Variants in NOL4 observed in about 807,000 individuals in gnomAD.
NOL4 encodes nucleolar protein 4.
Under a neutral mutation model 75.9 loss-of-function variants are expected in NOL4, and 17 were observed. The observed-to-expected ratio is 0.22, with a 90% CI of 0.15 to 0.34. The LOEUF (loss-of-function observed/expected upper bound fraction) is 0.34, where lower values mean the gene tolerates loss of function less well. Among genes scored for constraint, NOL4 ranks in the 10% least tolerant of loss-of-function variants. The pLI is 1.00. For synonymous variants in NOL4, 292 were observed against 289.9 expected, an observed-to-expected ratio of 1.01 and a Z score of -0.07; for missense variants, 614 against 793.5, an observed-to-expected ratio of 0.77 and a Z score of 2.72.
intron 1 of NOL4, among the ~76,000 whole-genome samples, chr18:34,132,949 T>C (rs1445378336): frequency 1.3e-5 from 2 of 152,052 alleles, no homozygotes; most frequent in East Asian, 1.9e-4. Flanking sequence ...CAAGGAATCT[T>C]ATAGCCAGAG....
chr18:34,065,385 G>A (rs546706931), intron 5 of NOL4, among the ~76,000 whole-genome samples: 30 of 151,864 alleles, frequency 2.0e-4, no homozygotes, highest in South Asian at 1.9e-3. Flanking sequence ...TTACCCTTTC[G>A]GTTAAATGCA....
chr18:33,865,261 A>G (rs1039144559), intron 10 of NOL4, among the ~76,000 whole-genome samples: 1 of 152,186 alleles, frequency 6.6e-6, no homozygotes, highest in Non-Finnish European at 1.5e-5. Flanking sequence ...TAAATGGCAC[A>G]GTATTTAGAT....
chr18:34,007,181 G>T (rs1467305074), intron 6 of NOL4, among the ~76,000 whole-genome samples: 1 of 151,948 alleles, frequency 6.6e-6, no homozygotes, highest in East Asian at 1.9e-4. Flanking sequence ...GAGTTGCTGT[G>T]CTGGCTGGGG....
intron 8 of NOL4, 24 bp downstream of exon 8, chr18:33,957,302 G>C (rs1411137974): frequency 1.3e-6 from 2 of 1,592,394 alleles, no homozygotes; most frequent in Non-Finnish European, 1.7e-6. Flanking sequence ...GGAGTCTAGG[G>C]CTGTGTTTTA....
chr18:33,975,936 C>A (rs947604904), intron 6 of NOL4, among the ~76,000 whole-genome samples: 18 of 152,128 alleles, frequency 1.2e-4, no homozygotes, highest in African/African-American at 4.1e-4. Flanking sequence ...ACACAGCTGT[C>A]ATGGATTTTT....
intron 1 of NOL4, among the ~76,000 whole-genome samples, chr18:34,185,329 A>C (rs569335314): frequency 1.1e-4 from 16 of 152,132 alleles, no homozygotes; most frequent in Non-Finnish European, 2.4e-4. Context: ...TAGCCAAAGG[A>C]TCGGGATTTT....
chr18:34,020,514 A>G (rs1289629769), intron 5 of NOL4, among the ~76,000 whole-genome samples: 1 of 152,214 alleles, frequency 6.6e-6, no homozygotes, highest in Non-Finnish European at 1.5e-5. Flanking sequence ...TTAATACCTA[A>G]GAAGTTTAAT....
intron 9 of NOL4, among the ~76,000 whole-genome samples, chr18:33,919,283 G>T: frequency 6.6e-6 from 1 of 152,084 alleles, no homozygotes; most frequent in East Asian, 1.9e-4. Context: ...AAGGGACCCT[G>T]ATGTGTCACA....
At chr18:34,101,827 A>G (rs1339778694) in intron 4 of NOL4, among the ~76,000 whole-genome samples, 1 of 152,014 alleles carries the variant, frequency 6.6e-6, no homozygotes, top group Non-Finnish European at 1.5e-5. Flanking sequence ...ATCAGATCAC[A>G]TGACTTCTCT....
At chr18:33,939,386 T>C (rs1008381608) in intron 9 of NOL4, among the ~76,000 whole-genome samples, 1 of 151,900 alleles carries the variant, frequency 6.6e-6, no homozygotes, top group African/African-American at 2.4e-5. Flanking sequence ...CATTTTCATA[T>C]TGATTCTTTC....
At chr18:33,891,078 T>C (rs2065065718) in intron 9 of NOL4, among the ~76,000 whole-genome samples, 1 of 151,636 alleles carries the variant, frequency 6.6e-6, no homozygotes, top group East Asian at 1.9e-4. Flanking sequence ...ATTATATGAT[T>C]ACACATATAT....
chr18:34,048,703 C>T, intron 5 of NOL4: 1 of 606,968 alleles, frequency 1.6e-6, no homozygotes, highest in Non-Finnish European at 2.1e-6. Context: ...GAAACATGCA[C>T]TCAGTCTTCC....
At chr18:34,096,652 A>T (rs1458080023) in intron 4 of NOL4, among the ~76,000 whole-genome samples, 1 of 152,032 alleles carries the variant, frequency 6.6e-6, no homozygotes, top group Non-Finnish European at 1.5e-5. Flanking sequence ...CCAGAAAAAA[A>T]CTCTCCACAT....
At chr18:33,934,226 T>C (rs2067902389) in intron 9 of NOL4, among the ~76,000 whole-genome samples, 1 of 152,070 alleles carries the variant, frequency 6.6e-6, no homozygotes. Context: ...TAAACAGATG[T>C]GCAATCATCC....
chr18:34,154,492 A>C (rs1403813404), intron 1 of NOL4, among the ~76,000 whole-genome samples: 1 of 152,006 alleles, frequency 6.6e-6, no homozygotes, highest in Non-Finnish European at 1.5e-5. Flanking sequence ...TGTGGGATTC[A>C]TACATGCTGT....
Position 34,047,024 on chromosome 18 carries a change from T to C in NOL4, c.773-27423A>G, listed in dbSNP as rs139099470. On this transcript the variant is annotated intron_variant, in intron 5 of 10. Coordinates refer to ENST00000261592, the MANE Select transcript of NOL4 (RefSeq NM_003787.5). ...TTTCTTAAGAGTACCAGGTTCTGCA[T>C]AGTTACAACCCAAATGCTATTAAGC... 3.6e-4 allele frequency among the ~76,000 whole-genome samples: 55 copies of C among 152,240 alleles called. No homozygotes were observed. The East Asian group carries it at 9.1e-3, about 25-fold the overall frequency.
chr18:33,870,815 T>A (rs2063664957), intron 10 of NOL4, among the ~76,000 whole-genome samples: 2 of 152,074 alleles, frequency 1.3e-5, no homozygotes, highest in Admixed American at 6.6e-5. Context: ...CTGTACAAGC[T>A]ACTTTTAGAT....
intron 5 of NOL4, among the ~76,000 whole-genome samples, chr18:34,044,156 T>A (rs1283686839): frequency 6.6e-6 from 1 of 152,068 alleles, no homozygotes; most frequent in Admixed American, 6.6e-5. Context: ...AGAATTGTTT[T>A]ATTTCTCCAT....
chr18:33,961,730 G>A (rs572486062), intron 6 of NOL4, among the ~76,000 whole-genome samples: 1 of 152,110 alleles, frequency 6.6e-6, no homozygotes. Context: ...GTTAAGTAGA[G>A]GCCATCCATT....
Sources: gnomAD v4.1 joint callset for allele counts (sites outside exome capture counted in the v4.1 genomes callset) on GRCh38, gnomAD v4.1.1 for gene constraint, MANE v1.5 for transcripts, NCBI Gene and HGNC (gene_info 2026-07-23, HGNC 2026-07-21) for gene names.